The following TMEM132D variants were observed in gnomAD, a reference collection of about 807,000 sequenced individuals.
TMEM132D encodes the protein transmembrane protein 132D.
A neutral mutation model predicts 62.3 loss-of-function variants in TMEM132D; 21 were observed. That is an observed-to-expected ratio of 0.34 (90% CI 0.24 to 0.49). The LOEUF (loss-of-function observed/expected upper bound fraction) is 0.49, where lower values mean the gene tolerates loss of function less well. TMEM132D is among the 20% of genes least tolerant of loss of function. TMEM132D has a pLI of 0.99. For synonymous variants in TMEM132D, 621 were observed against 575.6 expected, an observed-to-expected ratio of 1.08 and a Z score of -1.13; for missense variants, 1,346 against 1,402.8, an observed-to-expected ratio of 0.96 and a Z score of 0.65.
intron 4 of TMEM132D, among the ~76,000 whole-genome samples, chr12:129,229,532 A>G (rs1033057613): frequency 7.2e-5 from 11 of 152,212 alleles, no homozygotes; most frequent in African/African-American, 2.2e-4. Context: ...GTCCTCTACT[A>G]TATCACTACA....
chr12:129,722,764 G>A (rs1868888568), intron 1 of TMEM132D, among the ~76,000 whole-genome samples: 1 of 145,214 alleles, frequency 6.9e-6, no homozygotes, highest in Non-Finnish European at 1.5e-5. Context: ...TTTTGAGATG[G>A]GGTCTTGCTC....
intron 4 of TMEM132D, among the ~76,000 whole-genome samples, chr12:129,320,981 C>T (rs77357800): frequency 1.3e-5 from 2 of 148,908 alleles, no homozygotes; most frequent in Admixed American, 6.6e-5. Flanking sequence ...TATCTACCTA[C>T]CTACCTACCT....
At chr12:129,330,673 C>T (rs985515033) in intron 4 of TMEM132D, among the ~76,000 whole-genome samples, 14 of 152,196 alleles carry the variant, frequency 9.2e-5, no homozygotes, top group African/African-American at 1.4e-4. Context: ...TGCTCTACCT[C>T]GGGACTCTGC....
At chr12:129,467,412 A>G (rs537322017) in intron 3 of TMEM132D, among the ~76,000 whole-genome samples, 2 of 152,274 alleles carry the variant, frequency 1.3e-5, no homozygotes, top group East Asian at 1.9e-4. Flanking sequence ...TGGCTTCCCT[A>G]TAGCTCCAGC....
chr12:129,571,309 T>G (rs984066427), intron 2 of TMEM132D, among the ~76,000 whole-genome samples: 2 of 152,200 alleles, frequency 1.3e-5, no homozygotes. Context: ...TTCACGCCTA[T>G]AATCCCAGCA....
chr12:129,641,265 C>A (rs865921050), intron 2 of TMEM132D, among the ~76,000 whole-genome samples: 8 of 152,158 alleles, frequency 5.3e-5, no homozygotes, highest in Non-Finnish European at 1.0e-4. Context: ...TATCCCACTA[C>A]TCTTGGAAAA....
chr12:129,221,838 G>A (rs954391003), intron 4 of TMEM132D, among the ~76,000 whole-genome samples: 3 of 152,246 alleles, frequency 2.0e-5, no homozygotes, highest in Non-Finnish European at 2.9e-5. Flanking sequence ...CAAACGCTGC[G>A]ACAATGATGG....
At chr12:129,481,837 CT>C (rs1874438801) in intron 3 of TMEM132D, among the ~76,000 whole-genome samples, 1 of 152,174 alleles carries the variant, frequency 6.6e-6, no homozygotes, top group African/African-American at 2.4e-5. Flanking sequence ...CAGGCACCCC[CT>C]ATTCACACCA....
At chr12:129,230,584 G>A (rs949695054) in intron 4 of TMEM132D, among the ~76,000 whole-genome samples, 4 of 152,190 alleles carry the variant, frequency 2.6e-5, no homozygotes, top group Non-Finnish European at 5.9e-5. Flanking sequence ...TACAGGATGG[G>A]GTGAAGCCAC....
At chr12:129,690,834 A>C (rs1056662745) in intron 2 of TMEM132D, among the ~76,000 whole-genome samples, 2 of 152,180 alleles carry the variant, frequency 1.3e-5, no homozygotes, top group African/African-American at 4.8e-5. Flanking sequence ...ACCCACTATC[A>C]ATCAACTTGA....
At chr12:129,423,845 A>C (rs1872399212) in intron 3 of TMEM132D, among the ~76,000 whole-genome samples, 1 of 152,224 alleles carries the variant, frequency 6.6e-6, no homozygotes, top group South Asian at 2.1e-4. Flanking sequence ...AATGTTTTCC[A>C]ATCAGAGCAA....
At chr12:129,587,012 T>C (rs557429044) in intron 2 of TMEM132D, among the ~76,000 whole-genome samples, 1 of 152,256 alleles carries the variant, frequency 6.6e-6, no homozygotes, top group Admixed American at 6.5e-5. Context: ...TAAAATAAGT[T>C]GGAAAATGCT....
chr12:129,795,747 A>G (rs924691008), intron 1 of TMEM132D, among the ~76,000 whole-genome samples: 9 of 152,182 alleles, frequency 5.9e-5, no homozygotes, highest in Non-Finnish European at 1.3e-4. Flanking sequence ...GGTCTCCTTT[A>G]CTAACACGTT....
At chr12:129,526,539 T>C (rs895735048) in intron 3 of TMEM132D, among the ~76,000 whole-genome samples, 5 of 152,152 alleles carry the variant, frequency 3.3e-5, no homozygotes, top group African/African-American at 1.2e-4. Flanking sequence ...CACCTCAGCC[T>C]CCCAAAGTGC....
At chr12:129,723,751 G>A (rs1445558423) in intron 1 of TMEM132D, among the ~76,000 whole-genome samples, 1 of 152,152 alleles carries the variant, frequency 6.6e-6, no homozygotes, top group Non-Finnish European at 1.5e-5. Flanking sequence ...GTCTCTCAAA[G>A]TAGCCCTTTT....
intron 1 of TMEM132D, among the ~76,000 whole-genome samples, chr12:129,871,773 A>G (rs1047008881): frequency 2.6e-5 from 4 of 152,186 alleles, no homozygotes; most frequent in Admixed American, 6.5e-5. Flanking sequence ...GTACCAGCAC[A>G]CCATGGGCTC....
chr12:129,757,972 G>T (rs367927561), intron 1 of TMEM132D, among the ~76,000 whole-genome samples: 3 of 151,978 alleles, frequency 2.0e-5, no homozygotes, highest in African/African-American at 2.4e-5. Flanking sequence ...GCATGGTCTC[G>T]GCTCACTGCA....
At chr12:129,270,471 C>G (rs1880824636) in intron 4 of TMEM132D, among the ~76,000 whole-genome samples, 1 of 152,108 alleles carries the variant, frequency 6.6e-6, no homozygotes, top group Non-Finnish European at 1.5e-5. Context: ...GTAATCTTAC[C>G]ACATATTTCC....
intron 1 of TMEM132D, among the ~76,000 whole-genome samples, chr12:129,829,603 A>G (rs1872768028): frequency 6.6e-6 from 1 of 152,138 alleles, no homozygotes; most frequent in African/African-American, 2.4e-5. Flanking sequence ...CTGGGGTAAC[A>G]GCTGAGTCAC....
Sources: allele counts gnomAD v4.1 joint callset (sites outside exome capture counted in the v4.1 genomes callset), GRCh38; gene constraint gnomAD v4.1.1; transcripts MANE v1.5; gene names NCBI Gene and HGNC (gene_info 2026-07-23, HGNC 2026-07-21).